MAP4K3: variants seen among roughly 807,000 people sequenced by gnomAD.
The protein encoded by MAP4K3 is mitogen-activated protein kinase kinase kinase kinase 3, also known as MAPK/ERK kinase kinase kinase 3.
MAP4K3 carries 94 observed loss-of-function variants against 143.5 expected under a neutral mutation model. The ratio of observed to expected loss-of-function variants is 0.65; its 90% CI spans 0.55 to 0.78. The LOEUF is 0.78. MAP4K3 is among the 30% of genes least tolerant of loss of function. The probability of loss-of-function intolerance (pLI) is 0.00; values close to 1 mark genes in which losing one functional copy is unlikely to be tolerated. For synonymous variants in MAP4K3, 416 were observed against 347.2 expected (o/e 1.20, Z -2.20); for missense variants, 1,077 against 1,068.1 (o/e 1.01, Z -0.12).
chr2:39,297,139 C>T (rs1182190456), intron 16 of MAP4K3, among the ~76,000 whole-genome samples: 1 of 150,604 alleles, frequency 6.6e-6, no homozygotes, highest in East Asian at 1.9e-4. Context: ...TTTTTTGAGA[C>T]AGAGTTTCAC....
intron 12 of MAP4K3, among the ~76,000 whole-genome samples, chr2:39,325,273 T>A (rs542562147): frequency 1.3e-5 from 2 of 152,348 alleles, no homozygotes; most frequent in South Asian, 4.1e-4. Context: ...TTTCAACAAG[T>A]GGATTAAATG....
chr2:39,433,529 C>A (rs1357569219), intron 1 of MAP4K3, among the ~76,000 whole-genome samples: 2 of 152,130 alleles, frequency 1.3e-5, no homozygotes, highest in Non-Finnish European at 2.9e-5. Context: ...CCTAATTTCT[C>A]CAAGAAAACT....
chr2:39,254,726 G>A (rs1214801584), intron 31 of MAP4K3, among the ~76,000 whole-genome samples: 2 of 151,974 alleles, frequency 1.3e-5, no homozygotes, highest in Admixed American at 6.6e-5. Context: ...AAAATTCACC[G>A]AAAATATTTT....
intron 12 of MAP4K3, among the ~76,000 whole-genome samples, chr2:39,320,489 T>G (rs1683264430): frequency 2.0e-5 from 3 of 152,176 alleles, no homozygotes; most frequent in Admixed American, 2.0e-4. Flanking sequence ...TATGGTACTT[T>G]TTCTTGGTCA....
At chr2:39,287,290 T>C (rs1001508878) in intron 20 of MAP4K3, among the ~76,000 whole-genome samples, 3 of 98,790 alleles carry the variant, frequency 3.0e-5, no homozygotes, top group African/African-American at 4.1e-5. Context: ...CAAGAAACTT[T>C]AGTTGCTCTT....
At chr2:39,280,430 T>C in intron 22 of MAP4K3, 74 bp from the exon 23 acceptor site, 1 of 795,098 alleles carries the variant, frequency 1.3e-6, no homozygotes, top group Non-Finnish European at 2.0e-6. Context: ...GTAACTATTA[T>C]CTATTTTAAT....
At chr2:39,343,243 T>C (rs1246137484) in intron 4 of MAP4K3, 145 bp downstream of exon 4, 2 of 477,746 alleles carry the variant, frequency 4.2e-6, no homozygotes, top group South Asian at 5.5e-5. Context: ...TCCACCTATA[T>C]CTAAAATACC....
intron 1 of MAP4K3, among the ~76,000 whole-genome samples, chr2:39,434,405 G>A (rs575304796): frequency 6.6e-6 from 1 of 152,078 alleles, no homozygotes; most frequent in African/African-American, 2.4e-5. Context: ...CTCTGCTTTG[G>A]TCACTGGTAT....
At chr2:39,259,454 G>C (rs569208377) in intron 29 of MAP4K3, among the ~76,000 whole-genome samples, 6 of 152,232 alleles carry the variant, frequency 3.9e-5, no homozygotes, top group Non-Finnish European at 8.8e-5. Context: ...GATGGAAGAT[G>C]ATCAAAAAGG....
intron 12 of MAP4K3, among the ~76,000 whole-genome samples, chr2:39,324,874 C>A (rs750625441): frequency 6.6e-6 from 1 of 152,234 alleles, no homozygotes; most frequent in Non-Finnish European, 1.5e-5. Flanking sequence ...AACAACTATA[C>A]TGGCTCATTT....
Position 39,251,819 on chromosome 2 carries a change from C to A in MAP4K3, c.2597+11G>T, listed in dbSNP as rs761317435. ...TTAGTACTGTGTATTTAATACAGTC[C>A]GTTTTCATACCTGTCAGATCCAAGC... On this transcript the variant is annotated intron_variant, in intron 33 of 33. Coordinates refer to ENST00000263881, the MANE Select transcript of MAP4K3 (RefSeq NM_003618.4). 13 of 1,611,362 alleles carry A rather than the reference C, an allele frequency of 8.1e-6. No individual in the cohort carries two copies. The highest frequency in any genetic ancestry group is 1.1e-5 in the Non-Finnish European group (13 of 1,177,948).
intron 24 of MAP4K3, 39 bp downstream of exon 24, chr2:39,278,368 T>C (rs767674808): frequency 1.6e-5 from 20 of 1,286,984 alleles, no homozygotes; most frequent in East Asian, 2.4e-5. Flanking sequence ...TATGGTAACT[T>C]AAAAATTAAA....
chr2:39,270,261 A>G (rs944068505), intron 26 of MAP4K3, among the ~76,000 whole-genome samples: 6 of 152,248 alleles, frequency 3.9e-5, no homozygotes, highest in African/African-American at 1.4e-4. Context: ...TGTGGGCAGT[A>G]CACTGAAATG....
At chr2:39,408,753 T>C (rs949715444) in intron 1 of MAP4K3, among the ~76,000 whole-genome samples, 2 of 151,766 alleles carry the variant, frequency 1.3e-5, no homozygotes, top group Non-Finnish European at 2.9e-5. Context: ...CAGAAGCAAC[T>C]TGATGGAGAT....
intron 26 of MAP4K3, among the ~76,000 whole-genome samples, chr2:39,270,018 A>T (rs190723800): frequency 9.2e-5 from 14 of 152,266 alleles, no homozygotes; most frequent in African/African-American, 3.4e-4. Context: ...AATCTGAACC[A>T]AGCTCCTGAC....
intron 1 of MAP4K3, among the ~76,000 whole-genome samples, chr2:39,380,407 C>T (rs1666328945): frequency 6.6e-6 from 1 of 152,064 alleles, no homozygotes; most frequent in Non-Finnish European, 1.5e-5. Flanking sequence ...AGGTTACACA[C>T]AAAGGTAAAT....
intron 1 of MAP4K3, among the ~76,000 whole-genome samples, chr2:39,409,911 T>C (rs10490304): frequency 0.024 from 3,645 of 152,280 alleles, 154 homozygotes; most frequent in African/African-American, 0.084. Flanking sequence ...TCAATAGCAC[T>C]TAAAGGGATA....
Position 39,293,219 on chromosome 2 carries a change from AT to A in MAP4K3, c.1217+10del. 1 of 1,539,848 alleles carries A rather than the reference AT, an allele frequency of 6.5e-7. No homozygotes were observed. Among genetic ancestry groups the A allele is most frequent in the Middle Eastern group, 1.7e-4 (1 of 5,936 alleles). On this transcript the variant is annotated intron_variant, in intron 17 of 33. Transcript: ENST00000263881. ...GACATAAAGTACTTTAAGATTAAAA[AT>A]TAAAATTACCGCTGATGCAATTCTT...
At chr2:39,253,574 C>T (rs1680232224) in intron 32 of MAP4K3, among the ~76,000 whole-genome samples, 1 of 152,172 alleles carries the variant, frequency 6.6e-6, no homozygotes, top group Admixed American at 6.5e-5. Context: ...CAAGGTCACC[C>T]AGCTACTAAC....
Sources: allele counts gnomAD v4.1 joint callset (sites outside exome capture counted in the v4.1 genomes callset), GRCh38; gene constraint gnomAD v4.1.1; transcripts MANE v1.5; gene names NCBI Gene and HGNC (gene_info 2026-07-23, HGNC 2026-07-21).